SYK: variants seen among roughly 807,000 people sequenced by gnomAD.
SYK encodes spleen associated tyrosine kinase.
SYK carries 16 observed loss-of-function variants against 77.8 expected under a neutral mutation model. The ratio of observed to expected loss-of-function variants is 0.21; its 90% confidence interval spans 0.14 to 0.31. SYK has a LOEUF of 0.31. Among genes scored for constraint, SYK ranks in the 10% least tolerant of loss-of-function variants. The pLI, the probability that SYK is intolerant of heterozygous loss-of-function variation, is 1.00. For synonymous variants in SYK, 312 were observed against 308.7 expected (o/e 1.01, Z -0.11); for missense variants, 529 against 814.4 (o/e 0.65, Z 4.26).
At chr9:90,888,022 C>A in intron 12 of SYK, 133 bp downstream of exon 12, 1 of 1,182,968 alleles carries the variant, frequency 8.5e-7, no homozygotes, top group East Asian at 2.7e-5. Context: ...TTAATGTGCC[C>A]TCAGTCTATT....
intron 3 of SYK, among the ~76,000 whole-genome samples, chr9:90,848,408 G>A (rs1006986987): frequency 3.3e-5 from 5 of 152,230 alleles, no homozygotes; most frequent in African/African-American, 9.6e-5. Flanking sequence ...TCAGGCCAAC[G>A]TTGCAGGAAG....
intron 1 of SYK, among the ~76,000 whole-genome samples, chr9:90,833,763 G>A (rs1825975622): frequency 6.6e-6 from 1 of 152,204 alleles, no homozygotes; most frequent in South Asian, 2.1e-4. Flanking sequence ...GCATTTTAAA[G>A]GGCAAAGGTT....
chr9:90,891,620 A>C (rs570640812), intron 13 of SYK, among the ~76,000 whole-genome samples: 2 of 152,280 alleles, frequency 1.3e-5, no homozygotes, highest in South Asian at 4.1e-4. Context: ...TTTTTATTGC[A>C]AGGAAACCTT....
chr9:90,851,542 C>A (rs1270606595), intron 3 of SYK, among the ~76,000 whole-genome samples: 1 of 152,150 alleles, frequency 6.6e-6, no homozygotes, highest in Non-Finnish European at 1.5e-5. Context: ...TGGGGTCTAG[C>A]TGGCCAGAAG....
At chr9:90,828,244 C>A (rs796085613) in intron 1 of SYK, among the ~76,000 whole-genome samples, 4 of 114,930 alleles carry the variant, frequency 3.5e-5, no homozygotes, top group Middle Eastern at 3.9e-3. Flanking sequence ...CGCCCCCCCC[C>A]CCGCCCCGCC....
At chr9:90,865,904 T>TTTTTTTC in intron 6 of SYK, among the ~76,000 whole-genome samples, 1 of 129,610 alleles carries the variant, frequency 7.7e-6, no homozygotes, top group African/African-American at 3.0e-5. Context: ...TTTTTTTTTT[T>TTTTTTTC]TTTTTTTTTT....
intron 1 of SYK, among the ~76,000 whole-genome samples, chr9:90,807,874 T>C (rs1399641996): frequency 1.3e-5 from 2 of 152,218 alleles, no homozygotes; most frequent in African/African-American, 4.8e-5. Context: ...ACCTCTCTTC[T>C]TTCGTCCTGT....
At chr9:90,854,042 ACCCCAGTCCGAG>A (rs1264008136) in intron 3 of SYK, among the ~76,000 whole-genome samples, 3 of 151,898 alleles carry the variant, frequency 2.0e-5, no homozygotes, top group African/African-American at 7.3e-5. Context: ...CATCTACAGA[ACCCCAGTCCGAG>A]CCCCAGGAGG....
chr9:90,873,731 T>C (rs1197159305), intron 7 of SYK, among the ~76,000 whole-genome samples: 6 of 152,158 alleles, frequency 3.9e-5, no homozygotes, highest in Non-Finnish European at 7.3e-5. Flanking sequence ...AAAACATATG[T>C]GCGTTGGAGT....
At position 90,895,628 on chromosome 9, in the gene SYK, T is replaced by C. The variant is rs1587934800; in HGVS notation, c.*28T>C. ...GCTCCCGCACCTGTCGGTGGCTGCC[T>C]TTGATCACAGGAGCAATCACAGGAA... On this transcript the variant is annotated 3_prime_UTR_variant, in exon 14 of 14. Transcript: ENST00000375754. This position sits in a 1 kb window ranked among gnomAD's most constrained non-coding sequence, Gnocchi z 4.4. 2 of 1,603,476 alleles carry C rather than the reference T, an allele frequency of 1.2e-6. No homozygotes were observed. Among genetic ancestry groups the C allele is most frequent in the South Asian group, 2.2e-5 (2 of 90,858 alleles).
intron 11 of SYK, among the ~76,000 whole-genome samples, chr9:90,884,080 A>T (rs1390422332): frequency 6.6e-6 from 1 of 151,994 alleles, no homozygotes; most frequent in Non-Finnish European, 1.5e-5. Context: ...GGCCATAGAA[A>T]TTATACATAG....
intron 3 of SYK, among the ~76,000 whole-genome samples, chr9:90,849,337 C>G (rs1163728897): frequency 1.3e-5 from 2 of 152,204 alleles, no homozygotes; most frequent in Non-Finnish European, 2.9e-5. Context: ...TCCACCCCAC[C>G]CACCGTGCTT....
In SYK at chr9:90,877,530, C is replaced by T. The variant is rs747636845; in HGVS notation, c.1182-41C>T. 1.9e-6 allele frequency: 3 copies of T among 1,603,042 alleles called. No individual in the cohort carries two copies. In the African/African-American group the frequency reaches 4.0e-5, roughly 22 times the overall value. Reference sequence around the variant, plus strand: ...AGGATAAGATTATCTAGAAGTGAGGCATTTTGGAAAGTTTCTTGTGTGTTA... The same window carrying T: ...AGGATAAGATTATCTAGAAGTGAGGTATTTTGGAAAGTTTCTTGTGTGTTA... On this transcript the variant is annotated intron_variant, in intron 9 of 13. Transcript: ENST00000375754.
chr9:90,880,025 G>A (rs536135356), intron 11 of SYK, among the ~76,000 whole-genome samples: 1 of 152,334 alleles, frequency 6.6e-6, no homozygotes, highest in African/African-American at 2.4e-5. Flanking sequence ...AGTCAAAGAG[G>A]GTGCCGAAGG....
In SYK at chr9:90,893,470, G is replaced by C. The variant is rs1405232410; in HGVS notation, c.1836-2058G>C. Among the ~76,000 whole-genome samples, 8 of 152,306 alleles carry C rather than the reference G, an allele frequency of 5.3e-5. No homozygotes were observed. In the South Asian group the frequency reaches 1.2e-3, roughly 24 times the overall value. On this transcript the variant is annotated intron_variant, in intron 13 of 13. Coordinates refer to ENST00000375754, the MANE Select transcript of SYK (RefSeq NM_003177.7). ...AAGGTGATATATAGAGACAGACAGA[G>C]AGAGCGGGAGGGAGGTAGATGAAGG...
At chr9:90,889,953 T>C (rs147936387) in intron 13 of SYK, among the ~76,000 whole-genome samples, 226 of 152,324 alleles carry the variant, frequency 1.5e-3, no homozygotes, top group Non-Finnish European at 2.8e-3. Context: ...AAGTGTTCTT[T>C]GGTCCAGCCT....
intron 13 of SYK, among the ~76,000 whole-genome samples, chr9:90,889,804 T>A (rs1344633786): frequency 2.0e-5 from 3 of 152,190 alleles, no homozygotes; most frequent in Admixed American, 2.0e-4. Flanking sequence ...TCTAAGAGGA[T>A]GTTTATTCCT....
chr9:90,876,115 G>A (rs1397634457), intron 9 of SYK, among the ~76,000 whole-genome samples: 6 of 151,778 alleles, frequency 4.0e-5, no homozygotes, highest in African/African-American at 7.3e-5. Context: ...GTAAAACCTC[G>A]TCTCCACTAA....
At position 90,878,898 on chromosome 9, in the gene SYK, A is replaced by C; in HGVS notation, c.1526A>C (p.Lys509Thr). ...NVLLVTQHYA[K>T]ISDFGLSKAL... Reference sequence around the variant, plus strand: ...TTGCTAGTTACCCAACATTACGCCAAGATCAGTGATTTCGGACTTTCCAAA... The same window carrying C: ...TTGCTAGTTACCCAACATTACGCCACGATCAGTGATTTCGGACTTTCCAAA... Residue 509 changes from lysine to threonine, a missense_variant, in exon 11 of 14, where the codon AAG (lysine) becomes ACG (threonine). Transcript: ENST00000375754. The C allele has an allele frequency of 6.2e-7, 1 of 1,614,212 alleles. No individual in the cohort carries two copies. The highest frequency in any genetic ancestry group is 8.5e-7 in the Non-Finnish European group (1 of 1,180,004).
Sources: allele counts gnomAD v4.1 joint callset (sites outside exome capture counted in the v4.1 genomes callset), GRCh38; gene constraint gnomAD v4.1.1; non-coding constraint Gnocchi (gnomAD v3.1); transcripts MANE v1.5; gene names NCBI Gene and HGNC (gene_info 2026-07-23, HGNC 2026-07-21).